Variants in PLEKHA2 observed in about 807,000 individuals in gnomAD.
PLEKHA2 encodes the protein pleckstrin homology domain containing A2, also known as pleckstrin homology domain-containing family A member 2.
Under a neutral mutation model 53.2 loss-of-function variants are expected in PLEKHA2, and 28 were observed. The observed-to-expected ratio is 0.53, with a 90% CI of 0.39 to 0.72. The LOEUF (loss-of-function observed/expected upper bound fraction) is 0.72, where lower values mean the gene tolerates loss of function less well. PLEKHA2 is among the 30% of genes least tolerant of loss of function. The probability of loss-of-function intolerance (pLI) is 0.00; values close to 1 mark genes in which losing one functional copy is unlikely to be tolerated. For missense variants in PLEKHA2, 426 were observed against 537.9 expected (o/e 0.79, Z 2.06); for synonymous variants, 193 against 196.4 (o/e 0.98, Z 0.14).
intron 2 of PLEKHA2, among the ~76,000 whole-genome samples, chr8:38,919,023 G>C (rs1214379832): frequency 6.6e-6 from 1 of 152,168 alleles, no homozygotes; most frequent in Admixed American, 6.5e-5. Context: ...CTTCCAGTCT[G>C]GGGGCCCCTC....
chr8:38,909,835 C>T (rs1452390055), intron 1 of PLEKHA2, among the ~76,000 whole-genome samples: 2 of 152,208 alleles, frequency 1.3e-5, no homozygotes, highest in East Asian at 1.9e-4. Context: ...TTTCTTTCCC[C>T]AAGTTTCACT....
chr8:38,918,736 G>A (rs1489214877), intron 2 of PLEKHA2, among the ~76,000 whole-genome samples: 3 of 132,392 alleles, frequency 2.3e-5, no homozygotes, highest in African/African-American at 8.7e-5. Context: ...GCAGACACAT[G>A]CGCACACGCA....
intron 5 of PLEKHA2, 186 bp from the exon 6 acceptor site, chr8:38,950,664 G>T (rs932375362): frequency 1.5e-5 from 9 of 610,652 alleles, no homozygotes; most frequent in Admixed American, 1.3e-4. Flanking sequence ...ATCTGTGTAG[G>T]GGGAGGGCGT....
intron 1 of PLEKHA2, among the ~76,000 whole-genome samples, chr8:38,909,780 C>G (rs1833929341): frequency 6.6e-6 from 1 of 152,234 alleles, no homozygotes; most frequent in Non-Finnish European, 1.5e-5. Flanking sequence ...TGCCATTTAA[C>G]ACACTTTCTG....
Position 38,970,411 on chromosome 8 carries a change from A to G in PLEKHA2, c.*628A>G, listed in dbSNP as rs1183894417. ...ACAAAAAGAATCTAGAGAGAGATAT[A>G]TATTTTTAATGAAATAGAAGCTTGG... On this transcript the variant is annotated 3_prime_UTR_variant, in exon 12 of 12. Coordinates refer to ENST00000617275, the MANE Select transcript of PLEKHA2 (RefSeq NM_021623.2). The G allele has an allele frequency of 6.0e-6, 1 of 165,954 alleles. No individual in the cohort carries two copies. Among genetic ancestry groups the G allele is most frequent in the African/African-American group, 2.4e-5 (1 of 41,970 alleles). 10.3% of individuals were successfully genotyped at this position (165,954 alleles called of 1,614,324 possible). A position where few individuals can be genotyped will look rare whatever the true frequency, so the allele number is the denominator to read the frequency against.
intron 10 of PLEKHA2, among the ~76,000 whole-genome samples, chr8:38,958,187 C>G (rs1392826696): frequency 6.6e-6 from 1 of 152,064 alleles, no homozygotes; most frequent in Non-Finnish European, 1.5e-5. Context: ...ATTAGCTGGA[C>G]ATGGTGGTGT....
chr8:38,951,101 G>A (rs1279037959), intron 6 of PLEKHA2, 111 bp downstream of exon 6: 2 of 664,066 alleles, frequency 3.0e-6, no homozygotes, highest in Non-Finnish European at 4.6e-6. Context: ...GGGAGTGGGG[G>A]GCAGCTGGTG....
At chr8:38,930,186 C>CTTTA (rs112146378) in intron 2 of PLEKHA2, among the ~76,000 whole-genome samples, 2,080 of 150,588 alleles carry the variant, frequency 0.014, 52 homozygotes, top group Admixed American at 0.064. Flanking sequence ...AACCACCTAT[C>CTTTA]TTTATTTATT....
intron 5 of PLEKHA2, 182 bp from the exon 6 acceptor site, chr8:38,950,668 A>G: frequency 3.4e-5 from 20 of 590,502 alleles, no homozygotes; most frequent in South Asian, 7.9e-5. Flanking sequence ...GTGTAGGGGG[A>G]GGGCGTTGCT....
Position 38,925,550 on chromosome 8 carries a change from G to A in PLEKHA2, c.141+7480G>A, listed in dbSNP as rs144127624. Among the ~76,000 whole-genome samples the A allele has an allele frequency of 1.1e-3, 168 of 152,268 alleles. 1 individual carries two copies. The highest frequency in any genetic ancestry group is 3.8e-3 in the African/African-American group (158 of 41,538). ...GTTGCTTTTACTTTCCAAAGGCCAC[G>A]ATATGACTCATGGATCATCAAATAA... On this transcript the variant is annotated intron_variant, in intron 2 of 11. Transcript: ENST00000617275.
At chr8:38,960,211 G>GTA (rs757587626) in intron 10 of PLEKHA2, among the ~76,000 whole-genome samples, 2 of 152,206 alleles carry the variant, frequency 1.3e-5, no homozygotes, top group Non-Finnish European at 1.5e-5. Flanking sequence ...CACTGAATAA[G>GTA]TAAACGAGAG....
intron 1 of PLEKHA2, among the ~76,000 whole-genome samples, chr8:38,904,096 G>T (rs1400408097): frequency 1.3e-5 from 2 of 152,196 alleles, no homozygotes; most frequent in African/African-American, 4.8e-5. Context: ...TATTGGACAG[G>T]CGGGGGAGAT....
intron 2 of PLEKHA2, among the ~76,000 whole-genome samples, chr8:38,928,433 G>C (rs1359814002): frequency 6.6e-6 from 1 of 151,946 alleles, no homozygotes; most frequent in African/African-American, 2.4e-5. Flanking sequence ...ATTTTTAGTA[G>C]AGACAGGGTT....
rs183172030 is a variant in PLEKHA2, at chr8:38,932,458, A to T, written c.142-3536A>T. On this transcript the variant is annotated intron_variant, in intron 2 of 11. Transcript: ENST00000617275. The stretch of plus-strand genomic sequence containing the variant: ...CCTGAGTTTGTCCTTTTCCTAGAGG[A>T]GTCTGAGCTATGGCCAGGGAAGAGG... 1.7e-3 allele frequency among the ~76,000 whole-genome samples: 255 copies of T among 152,190 alleles called. 1 individual carries two copies. Among genetic ancestry groups the T allele is most frequent in the Non-Finnish European group, 2.8e-3 (191 of 67,990 alleles).
In PLEKHA2 at chr8:38,971,094, T is replaced by C. The variant is rs1469820268; in HGVS notation, c.*1311T>C. ...CTCCTCTTCTTGTGTCCAAATCTAA[T>C]GCAGAGGTGAAAACACTTGATGAGA... is the stretch of plus-strand genomic sequence containing the variant. On this transcript the variant is annotated 3_prime_UTR_variant, in exon 12 of 12. Coordinates refer to ENST00000617275, the MANE Select transcript of PLEKHA2 (RefSeq NM_021623.2). 1 of 152,242 alleles carries C rather than the reference T, an allele frequency of 6.6e-6. No homozygotes were observed. The highest frequency in any genetic ancestry group is 1.9e-4 in the East Asian group (1 of 5,198). 9.4% of individuals were successfully genotyped at this position (152,242 alleles called of 1,614,324 possible).
At chr8:38,925,615 A>G (rs1834272314) in intron 2 of PLEKHA2, among the ~76,000 whole-genome samples, 1 of 152,250 alleles carries the variant, frequency 6.6e-6, no homozygotes, top group African/African-American at 2.4e-5. Flanking sequence ...CTGGGGTGCC[A>G]ATGAAAGCCC....
At chr8:38,935,453 T>G (rs985305459) in intron 2 of PLEKHA2, among the ~76,000 whole-genome samples, 3 of 150,758 alleles carry the variant, frequency 2.0e-5, no homozygotes, top group African/African-American at 7.4e-5. Flanking sequence ...TTTTAAGAGA[T>G]AGGGTCTTGC....
In PLEKHA2 at chr8:38,949,235, T is replaced by C. The variant is rs12681847; in HGVS notation, c.346-1615T>C. ...AACTGTTCTGGACCTCTTTTTTTTT[T>C]TTTCTTTCTAACAAAATGAAAGATT... On this transcript the variant is annotated intron_variant, in intron 5 of 11. Transcript: ENST00000617275. Among the ~76,000 whole-genome samples the C allele has an allele frequency of 1.8e-4, 28 of 152,208 alleles. No homozygotes were observed. The East Asian group carries it at 4.2e-3, about 23-fold the overall frequency.
intron 1 of PLEKHA2, among the ~76,000 whole-genome samples, chr8:38,911,252 T>C (rs1340554558): frequency 1.3e-5 from 2 of 151,130 alleles, no homozygotes; most frequent in Non-Finnish European, 3.0e-5. Flanking sequence ...TTCTTTTTTT[T>C]TTGAGAGGGA....
Sources: allele counts gnomAD v4.1 joint callset (sites outside exome capture counted in the v4.1 genomes callset), GRCh38; gene constraint gnomAD v4.1.1; transcripts MANE v1.5; gene names NCBI Gene and HGNC (gene_info 2026-07-23, HGNC 2026-07-21).